Variants in LDLRAD4 observed in about 807,000 individuals in gnomAD.
LDLRAD4 encodes low-density lipoprotein receptor class A domain-containing protein 4.
A neutral mutation model predicts 17.0 loss-of-function variants in LDLRAD4; 5 were observed. The observed-to-expected ratio is 0.29, with a 90% CI of 0.15 to 0.62. The LOEUF (loss-of-function observed/expected upper bound fraction) is 0.62, where lower values mean the gene tolerates loss of function less well. LDLRAD4 is among the 20% of genes least tolerant of loss of function. The pLI is 0.84. For missense variants in LDLRAD4, 340 were observed against 424.7 expected (o/e 0.80, Z 1.75); for synonymous variants, 168 against 171.8 (o/e 0.98, Z 0.17).
chr18:13,607,629 T>A (rs1045092573), intron 3 of LDLRAD4, among the ~76,000 whole-genome samples: 17 of 152,090 alleles, frequency 1.1e-4, no homozygotes, highest in South Asian at 2.1e-4. Context: ...CACTGTGTGA[T>A]GTTCCCCTCC....
chr18:13,463,272 T>C (rs1224167772), intron 3 of LDLRAD4, among the ~76,000 whole-genome samples: 1 of 152,132 alleles, frequency 6.6e-6, no homozygotes, highest in Non-Finnish European at 1.5e-5. Context: ...CAGTTCTCCT[T>C]TTCTCTATTC....
chr18:13,341,326 T>C (rs988851632), intron 1 of LDLRAD4, among the ~76,000 whole-genome samples: 2 of 152,178 alleles, frequency 1.3e-5, no homozygotes, highest in Non-Finnish European at 2.9e-5. Flanking sequence ...CAGGTAGTAC[T>C]GATATCTTAA....
intron 1 of LDLRAD4, among the ~76,000 whole-genome samples, chr18:13,353,067 T>C (rs930334295): frequency 8.5e-5 from 13 of 152,376 alleles, no homozygotes; most frequent in Admixed American, 2.0e-4. Context: ...TTAAGACTTA[T>C]GTGGTAAAAT....
At chr18:13,643,315 C>T in intron 4 of LDLRAD4, 44 bp from the exon 6 acceptor site, 1 of 1,302,208 alleles carries the variant, frequency 7.7e-7, no homozygotes, top group Non-Finnish European at 1.1e-6. Flanking sequence ...TGATTTTCCT[C>T]TGTTTCTTGT....
intron 3 of LDLRAD4, among the ~76,000 whole-genome samples, chr18:13,601,755 T>C (rs2095166077): frequency 6.6e-6 from 1 of 151,968 alleles, no homozygotes; most frequent in African/African-American, 2.4e-5. Flanking sequence ...AGTTTGGAGA[T>C]TTCTCAAAGA....
chr18:13,310,314 T>C (rs2047162091), intron 1 of LDLRAD4, among the ~76,000 whole-genome samples: 1 of 151,566 alleles, frequency 6.6e-6, no homozygotes, highest in Non-Finnish European at 1.5e-5. Flanking sequence ...ATGGCACCAC[T>C]GCCCTCCTCC....
At chr18:13,569,808 C>T (rs555643024) in intron 3 of LDLRAD4, among the ~76,000 whole-genome samples, 2 of 152,306 alleles carry the variant, frequency 1.3e-5, no homozygotes, top group East Asian at 3.9e-4. Flanking sequence ...TCGCTTGAAC[C>T]CGGAAGGCAG....
intron 3 of LDLRAD4, chr18:13,614,136 T>C (rs1272352982): frequency 1.3e-5 from 2 of 152,192 alleles, no homozygotes; most frequent in South Asian, 2.1e-4. Flanking sequence ...TGGGGTCCCT[T>C]CGTTCTTAGG....
chr18:13,326,732 C>T (rs962289835), intron 1 of LDLRAD4, among the ~76,000 whole-genome samples: 4 of 151,858 alleles, frequency 2.6e-5, no homozygotes, highest in African/African-American at 4.8e-5. Context: ...ACCCTCTTGG[C>T]TTAACTTTCC....
chr18:13,401,547 C>T lies in LDLRAD4; in HGVS notation c.40+13785C>T, dbSNP rs191141757. Among the ~76,000 whole-genome samples, 15 of 152,210 alleles carry T rather than the reference C, an allele frequency of 9.9e-5. No individual in the cohort carries two copies. The East Asian group carries it at 2.5e-3, about 25-fold the overall frequency. On this transcript the variant is annotated intron_variant, in intron 2 of 5. Transcript: ENST00000359446. ...TGGGGGTTGGGCGGACTCTCCTGTGCGTCCCCGAGGCCCTGGGAAGGAAGT... is the reference window on the plus strand; with the variant it reads ...TGGGGGTTGGGCGGACTCTCCTGTGTGTCCCCGAGGCCCTGGGAAGGAAGT...
chr18:13,386,674 A>G (rs754341282), intron 1 of LDLRAD4, among the ~76,000 whole-genome samples: 1 of 152,240 alleles, frequency 6.6e-6, no homozygotes, highest in Non-Finnish European at 1.5e-5. Context: ...GTTATGTAAC[A>G]TATGGAGCAG....
At chr18:13,571,821 AGAGAC>A (rs1211856881) in intron 3 of LDLRAD4, among the ~76,000 whole-genome samples, 3 of 152,126 alleles carry the variant, frequency 2.0e-5, no homozygotes, top group Admixed American at 6.5e-5. Context: ...TGTTTTTAGT[AGAGAC>A]GAGGTTTCAC....
At chr18:13,413,893 C>T (rs2088610610) in intron 2 of LDLRAD4, among the ~76,000 whole-genome samples, 2 of 151,562 alleles carry the variant, frequency 1.3e-5, no homozygotes, top group African/African-American at 4.8e-5. Context: ...TAGAGAAACT[C>T]CAGAAATTAA....
At chr18:13,627,184 T>A (rs972418750) in intron 4 of LDLRAD4, among the ~76,000 whole-genome samples, 1 of 152,062 alleles carries the variant, frequency 6.6e-6, no homozygotes, top group Middle Eastern at 3.2e-3. Flanking sequence ...AGCAAGAGAA[T>A]CTGGAGGCAG....
intron 1 of LDLRAD4, among the ~76,000 whole-genome samples, chr18:13,262,031 G>C (rs2043852855): frequency 6.7e-6 from 1 of 149,548 alleles, no homozygotes; most frequent in Non-Finnish European, 1.5e-5. Flanking sequence ...GTCCCGTGTG[G>C]CTCTGTGCAT....
intron 3 of LDLRAD4, among the ~76,000 whole-genome samples, chr18:13,484,740 CT>C (rs1390735116): frequency 8.5e-5 from 13 of 152,202 alleles, no homozygotes; most frequent in African/African-American, 3.1e-4. Context: ...GAGACAGGCA[CT>C]AATGCACATA....
At chr18:13,309,777 G>A (rs945134226) in intron 1 of LDLRAD4, among the ~76,000 whole-genome samples, 2 of 152,042 alleles carry the variant, frequency 1.3e-5, no homozygotes, top group African/African-American at 2.4e-5. Flanking sequence ...GGGAGAGAGG[G>A]CCTTCAGTGA....
chr18:13,237,484 G>T (rs569345772), intron 1 of LDLRAD4, among the ~76,000 whole-genome samples: 2 of 152,308 alleles, frequency 1.3e-5, no homozygotes. Flanking sequence ...ATTTGTTCTT[G>T]CATTGGAGAC....
chr18:13,342,214 G>A (rs556180031), intron 1 of LDLRAD4, among the ~76,000 whole-genome samples: 4 of 151,964 alleles, frequency 2.6e-5, no homozygotes, highest in Admixed American at 6.6e-5. Flanking sequence ...TAATGTCTTG[G>A]TATAGTTTCG....
Sources: allele counts gnomAD v4.1 joint callset (sites outside exome capture counted in the v4.1 genomes callset), GRCh38; gene constraint gnomAD v4.1.1; transcripts MANE v1.5; gene names NCBI Gene and HGNC (gene_info 2026-07-23, HGNC 2026-07-21).